The following TCP1 variants were observed in gnomAD, a reference collection of about 807,000 sequenced individuals.
The protein encoded by TCP1 is T-complex protein 1 subunit alpha.
In TCP1, 6 loss-of-function variants were observed where a neutral mutation model predicts 54.7. That is an observed-to-expected ratio of 0.11 (90% confidence interval 0.06 to 0.22). TCP1 has a LOEUF of 0.22. TCP1 is among the 10% of genes least tolerant of loss of function. The probability of loss-of-function intolerance (pLI) is 1.00; values close to 1 mark genes in which losing one functional copy is unlikely to be tolerated. For missense variants in TCP1, 511 were observed against 678.2 expected, an observed-to-expected ratio of 0.75 and a Z score of 2.74; for synonymous variants, 225 against 229.7, an observed-to-expected ratio of 0.98 and a Z score of 0.19.
chr6:159,779,316 A>G (rs1018489178), intron 11 of TCP1, 55 bp from the exon 12 acceptor site: 5 of 1,447,688 alleles, frequency 3.5e-6, no homozygotes, highest in Admixed American at 3.4e-5. Context: ...TAGGTGGCCT[A>G]TTAACTCCAG....
rs571166298 is a variant in TCP1 at position 159,779,722 on chromosome 6, T to C, written c.1359A>G (p.Ala453=). The C allele has an allele frequency of 4.8e-5, 78 of 1,613,498 alleles. No homozygotes were observed. The Admixed American group carries it at 8.5e-4, about 18-fold the overall frequency. ...CTGTGGAGTCCTGGGCAGCATTAAC[T>C]GCTAGTGTATTGGGAATAACAAGAA... ...RSLLVIPNTL[A]VNAAQDSTDL... Residue 453 remains alanine (A), a synonymous_variant, in exon 11 of 12, where the codon GCA becomes GCG. Coordinates refer to ENST00000321394, the MANE Select transcript of TCP1 (RefSeq NM_030752.3).
At chr6:159,788,206 A>T in intron 1 of TCP1, 63 bp from the exon 2 acceptor site, 1 of 1,478,062 alleles carries the variant, frequency 6.8e-7, no homozygotes, top group Non-Finnish European at 9.4e-7. Flanking sequence ...GAAAGACAGT[A>T]ATTTCAGCCT....
rs1410969732 is a variant in TCP1 at position 159,779,803 on chromosome 6, G to A, written c.1291-13C>T. The A allele has an allele frequency of 2.5e-6, 4 of 1,585,864 alleles. No individual in the cohort carries two copies. The highest frequency in any genetic ancestry group is 1.7e-6 in the Non-Finnish European group (2 of 1,171,520). ...GTTCCCGAGACCCCTAGGAAAAGAA[G>A]AAAATTAGGTGACTTCACAAAAGGG... On this transcript the variant is annotated splice_polypyrimidine_tract_variant and intron_variant, in intron 10 of 11. Coordinates refer to ENST00000321394, the MANE Select transcript of TCP1 (RefSeq NM_030752.3).
At chr6:159,782,872 CAAG>C (rs763646593) in intron 7 of TCP1, among the ~76,000 whole-genome samples, 7 of 152,152 alleles carry the variant, frequency 4.6e-5, no homozygotes, top group East Asian at 1.9e-4. Context: ...GAAAGCATTT[CAAG>C]AAGGACATAA....
At position 159,789,454 on chromosome 6, in the gene TCP1, C is replaced by T; in HGVS notation, c.15G>A (p.Leu5=). MEGP[L]SVFGDRSTGE... ...CAGTGCTGCGGTCACCGAACACGGA[C>T]AAAGGCCCCTCCATCTTGACGGCAG... is the stretch of plus-strand genomic sequence containing the variant. The change falls in exon 1 of 12, where the codon TTG becomes TTA. Residue 5 remains leucine, a synonymous_variant. Transcript: ENST00000321394. The T allele has an allele frequency of 6.2e-7, 1 of 1,613,902 alleles. No homozygotes were observed.
chr6:159,787,955 C>T, intron 2 of TCP1, 84 bp from the exon 3 acceptor site: 1 of 1,603,914 alleles, frequency 6.2e-7, no homozygotes, highest in Non-Finnish European at 8.5e-7. Flanking sequence ...TTTAATATCA[C>T]CTTCCAGTAC....
At position 159,787,943 on chromosome 6, in the gene TCP1, C is replaced by T. The variant is rs564217363; in HGVS notation, c.151-72G>A. The T allele has an allele frequency of 4.3e-5, 69 of 1,606,718 alleles. No homozygotes were observed. The South Asian group carries it at 5.7e-4, about 13-fold the overall frequency. ...ACAGCCCCATTATAATACACGTTCA[C>T]CTTTAATATCACCTTCCAGTACGTG... On this transcript the variant is annotated intron_variant, in intron 2 of 11. Coordinates refer to ENST00000321394, the MANE Select transcript of TCP1 (RefSeq NM_030752.3).
At chr6:159,787,063 C>T (rs140628790) in intron 3 of TCP1, among the ~76,000 whole-genome samples, 2,140 of 132,218 alleles carry the variant, frequency 0.016, 56 homozygotes, top group African/African-American at 0.059. Flanking sequence ...GGCAACATAG[C>T]GAGACCCTGT....
intron 9 of TCP1, 100 bp downstream of exon 9, chr6:159,780,343 G>T (rs377168769): frequency 2.6e-6 from 4 of 1,555,382 alleles, no homozygotes; most frequent in Non-Finnish European, 3.5e-6. Flanking sequence ...ATAACTGCTC[G>T]TATCACTGTG....
rs1284179275 is a variant in TCP1 at position 159,787,885 on chromosome 6, AG to A, written c.151-15del. 6.2e-7 allele frequency: 1 copy of A among 1,613,326 alleles called. No individual in the cohort carries two copies. On this transcript the variant is annotated splice_polypyrimidine_tract_variant and intron_variant, in intron 2 of 11. Transcript: ENST00000321394. ...AATGGTTACATCCTAAGAAATTCGC[AG>A]GAAAAAATATGAACCACTTATAGAA... is the stretch of plus-strand genomic sequence containing the variant.
At position 159,778,850 on chromosome 6, in the gene TCP1, CCTCAA is replaced by C; in HGVS notation, c.*190_*194del. ...AATGAATTGCTTAAACTTTGAACAACCTCAATTTCTTTTTAAACTAATAAAGTACT... is the reference window on the plus strand; with the variant it reads ...AATGAATTGCTTAAACTTTGAACAACTTTCTTTTTAAACTAATAAAGTACT... On this transcript the variant is annotated 3_prime_UTR_variant, in exon 12 of 12. Transcript: ENST00000321394. 6.2e-7 allele frequency: 1 copy of C among 1,613,598 alleles called. No individual in the cohort carries two copies. Among genetic ancestry groups the C allele is most frequent in the South Asian group, 1.1e-5 (1 of 91,050 alleles).
intron 9 of TCP1, 160 bp downstream of exon 9, chr6:159,780,283 G>A: frequency 7.9e-7 from 1 of 1,264,684 alleles, no homozygotes. Flanking sequence ...GATGAAAATG[G>A]TTACTTCATC....
chr6:159,780,617 A>T, intron 8 of TCP1, 51 bp from the exon 9 acceptor site: 1 of 1,590,910 alleles, frequency 6.3e-7, no homozygotes. Context: ...TCATGATTTT[A>T]ATATCCTTGG....
Position 159,784,770 on chromosome 6 carries a change from C to T in TCP1, c.566G>A (p.Arg189His), listed in dbSNP as rs765156642. The change falls in exon 6 of 12, where the codon CGC becomes CAC. Residue 189 changes from arginine to histidine, a missense_variant. Arg to His is a conservative substitution (Grantham distance 29). Transcript: ENST00000321394. ...AATATTAACAGAGTTGACTGGATAGCGTGGCTGGCCTCTTATGTCTGTGTA... is the reference window on the plus strand; with the variant it reads ...AATATTAACAGAGTTGACTGGATAGTGTGGCTGGCCTCTTATGTCTGTGTA... ...IKYTDIRGQP[R>H]YPVNSVNILK... The T allele has an allele frequency of 1.2e-5, 20 of 1,614,032 alleles. No homozygotes were observed. Among genetic ancestry groups the T allele is most frequent in the South Asian group, 4.4e-5 (4 of 91,082 alleles).
In TCP1 at chr6:159,779,128, G is replaced by A. The variant is rs1780509214; in HGVS notation, c.1588C>T (p.Leu530Phe). 6.2e-7 allele frequency: 1 copy of A among 1,613,912 alleles called. No individual in the cohort carries two copies. Among genetic ancestry groups the A allele is most frequent in the Non-Finnish European group, 8.5e-7 (1 of 1,179,850 alleles). Residue 530 changes from leucine to phenylalanine, a missense_variant, in exon 12 of 12, where the codon CTT (leucine) becomes TTT (phenylalanine). Leu to Phe is a conservative substitution (Grantham distance 22, BLOSUM62 0). This residue lies in a region of TCP1 where 88 missense variants were observed against 153.1 expected (regional missense o/e 0.57). Coordinates refer to ENST00000321394, the MANE Select transcript of TCP1 (RefSeq NM_030752.3). The stretch of plus-strand genomic sequence containing the variant: ...TTACTTTCTGGATGTAATTTAATAA[G>A]ATCATCAATTCGAAGAATGGTGATT... ...AAITILRIDD[L>F]IKLHPESKDD...
rs767442680 is a variant in TCP1, at chr6:159,781,046, T to A, written c.862A>T (p.Thr288Ser). ...CACATATCATCAATTCCACCAGTGG[T>A]TAGAATAACATTGGCACCAGTTGCC... ...ILATGANVILTTGGIDDMCLK... is the reference protein window; with the variant it reads ...ILATGANVILSTGGIDDMCLK... The change falls in exon 8 of 12, where the codon ACC (threonine) becomes TCC (serine). Residue 288 changes from threonine (T) to serine (S), a missense_variant. By Grantham distance (58) the Thr-to-Ser change is moderately conservative. Around this residue, in one of 5 missense-constraint regions of TCP1, gnomAD observed 305 missense variants for 352.8 expected, o/e 0.86. Coordinates refer to ENST00000321394, the MANE Select transcript of TCP1 (RefSeq NM_030752.3). The A allele has an allele frequency of 6.2e-7, 1 of 1,613,054 alleles. No homozygotes were observed. Among genetic ancestry groups the A allele is most frequent in the Non-Finnish European group, 8.5e-7 (1 of 1,179,704 alleles).
Position 159,787,879 on chromosome 6 carries a change from A to G in TCP1, c.151-8T>C. 5 of 1,613,496 alleles carry G rather than the reference A, an allele frequency of 3.1e-6. No individual in the cohort carries two copies. The highest frequency in any genetic ancestry group is 4.2e-6 in the Non-Finnish European group (5 of 1,179,456). On this transcript the variant is annotated splice_region_variant and splice_polypyrimidine_tract_variant and intron_variant, in intron 2 of 11. Transcript: ENST00000321394. ...GTTAGTAATGGTTACATCCTAAGAAATTCGCAGGAAAAAATATGAACCACT... is the reference window on the plus strand; with the variant it reads ...GTTAGTAATGGTTACATCCTAAGAAGTTCGCAGGAAAAAATATGAACCACT...
Position 159,783,978 on chromosome 6 carries a change from T to G in TCP1, c.760A>C (p.Ile254Leu). Residue 254 changes from isoleucine (I) to leucine (L), a missense_variant, in exon 7 of 12, where the codon ATT becomes CTT. Around this residue, in one of 5 missense-constraint regions of TCP1, gnomAD observed 305 missense variants for 352.8 expected, o/e 0.86. Coordinates refer to ENST00000321394, the MANE Select transcript of TCP1 (RefSeq NM_030752.3). ...TKMKLGVQVV[I>L]TDPEKLDQIR... The stretch of plus-strand genomic sequence containing the variant: ...TGGTCCAGTTTTTCAGGGTCTGTAA[T>G]GACCACCTGTACACCAAGCTTCATT... The G allele has an allele frequency of 6.2e-7, 1 of 1,612,338 alleles. No homozygotes were observed. The highest frequency in any genetic ancestry group is 8.5e-7 in the Non-Finnish European group (1 of 1,179,916).
At chr6:159,785,735 A>G in intron 4 of TCP1, 165 bp downstream of exon 4, 1 of 795,586 alleles carries the variant, frequency 1.3e-6, no homozygotes. Context: ...AATGAGAAAA[A>G]AGATACTGGT....
Sources: gnomAD v4.1 joint callset for allele counts (sites outside exome capture counted in the v4.1 genomes callset) on GRCh38, gnomAD v4.1.1 for gene constraint, gnomAD v4.1.1 regional missense constraint, MANE v1.5 for transcripts, NCBI Gene and HGNC (gene_info 2026-07-23, HGNC 2026-07-21) for gene names.